The following LRBA variants were observed in gnomAD, a reference collection of about 807,000 sequenced individuals.
The protein encoded by LRBA is LPS responsive beige-like anchor protein, also known as lipopolysaccharide-responsive and beige-like anchor protein.
A neutral mutation model predicts 330.0 loss-of-function variants in LRBA; 176 were observed. The ratio of observed to expected loss-of-function variants is 0.53; its 90% CI spans 0.47 to 0.60. The LOEUF is 0.60. LRBA is among the 20% of genes least tolerant of loss of function. The probability of loss-of-function intolerance (pLI) is 0.00; values close to 1 mark genes in which losing one functional copy is unlikely to be tolerated. For missense variants in LRBA, 3,259 were observed against 3,444.8 expected, an observed-to-expected ratio of 0.95 and a Z score of 1.35; for synonymous variants, 1,230 against 1,193.0, an observed-to-expected ratio of 1.03 and a Z score of -0.64.
In LRBA at chr4:150,851,826, C is replaced by T. The variant is rs187804908; in HGVS notation, c.3825+59G>A. On this transcript the variant is annotated intron_variant, in intron 23 of 56. Coordinates refer to ENST00000651943, the MANE Select transcript of LRBA (RefSeq NM_001364905.1). ...AAATAAAATAAAATTTAAGTATATA[C>T]ACTTGCTCTTTTTTAACTCAGTGCA... 6.1e-4 allele frequency: 885 copies of T among 1,458,220 alleles called. 4 individuals carry two copies. The African/African-American group carries it at 0.011, about 19-fold the overall frequency. The allele number at this position is 1,458,220 out of a possible 1,614,324, so 90.3% of individuals were successfully genotyped here. A position where few individuals can be genotyped will look rare whatever the true frequency, so the allele number is the denominator to read the frequency against.
chr4:150,865,305 A>G (rs1752526625), intron 22 of LRBA, among the ~76,000 whole-genome samples: 1 of 152,256 alleles, frequency 6.6e-6, no homozygotes, highest in Non-Finnish European at 1.5e-5. Context: ...AGTTCCTGTA[A>G]TGAGCCAAAT....
chr4:150,322,995 C>CTGTGTGTGTGTGTG (rs577818605), intron 49 of LRBA, among the ~76,000 whole-genome samples: 1 of 23,882 alleles, frequency 4.2e-5, no homozygotes, highest in Non-Finnish European at 1.1e-4. Flanking sequence ...GTGTGTGTCT[C>CTGTGTGTGTGTGTG]TGTGTGTGTG....
intron 31 of LRBA, among the ~76,000 whole-genome samples, chr4:150,812,934 G>T (rs1424230154): frequency 6.6e-6 from 1 of 152,028 alleles, no homozygotes; most frequent in Non-Finnish European, 1.5e-5. Flanking sequence ...AAAGTGGAAG[G>T]ATCACTTGAA....
rs1171804599 is a variant in LRBA at position 150,350,218 on chromosome 4, A to G, written c.7195-59T>C. On this transcript the variant is annotated intron_variant, in intron 47 of 56. Coordinates refer to ENST00000651943, the MANE Select transcript of LRBA (RefSeq NM_001364905.1). Reference sequence around the variant, plus strand: ...AATTCCTTTTTAAAAATATAGAGAGACATTTAGAGCAATCAGTAAAGTTTA... The same window carrying G: ...AATTCCTTTTTAAAAATATAGAGAGGCATTTAGAGCAATCAGTAAAGTTTA... The G allele has an allele frequency of 4.7e-6, 6 of 1,269,946 alleles. No homozygotes were observed. The East Asian group carries it at 1.0e-4, about 22-fold the overall frequency. The allele number at this position is 1,269,946 out of a possible 1,614,324, so 78.7% of individuals were successfully genotyped here.
Position 150,928,921 on chromosome 4 carries a change from T to C in LRBA, c.361A>G (p.Ser121Gly), listed in dbSNP as rs1329598341. 1.9e-6 allele frequency: 3 copies of C among 1,614,122 alleles called. No homozygotes were observed. Among genetic ancestry groups the C allele is most frequent in the Admixed American group, 1.7e-5 (1 of 60,018 alleles). ...WSMFTAILKK[S>G]IRNLQVCTEV... ...GTGCAGACTTGAAGATTCCGTATGC[T>C]TTTCTTCAGAATGGCTGTAAACATG... Residue 121 changes from serine to glycine, a missense_variant, in exon 3 of 57, where the codon AGC (serine) becomes GGC (glycine). Coordinates refer to ENST00000651943, the MANE Select transcript of LRBA (RefSeq NM_001364905.1).
intron 36 of LRBA, among the ~76,000 whole-genome samples, chr4:150,704,527 TACCTGAA>T (rs1259463095): frequency 1.4e-4 from 22 of 152,096 alleles, no homozygotes; most frequent in Non-Finnish European, 2.5e-4. Flanking sequence ...TTCTGGGAAG[TACCTGAA>T]TTCTATTTTT....
intron 2 of LRBA, among the ~76,000 whole-genome samples, chr4:150,972,972 C>T (rs1293355667): frequency 6.6e-6 from 1 of 151,994 alleles, no homozygotes; most frequent in African/African-American, 2.4e-5. Context: ...CAAAAATTGT[C>T]CTTTAAAAAA....
intron 41 of LRBA, among the ~76,000 whole-genome samples, chr4:150,488,757 C>CA (rs35641885): frequency 0.61 from 88,293 of 144,576 alleles, 29,405 homozygotes; most frequent in Non-Finnish European, 0.75. Context: ...TATTTAAAGC[C>CA]AAAAAAAAAA....
intron 22 of LRBA, among the ~76,000 whole-genome samples, chr4:150,863,927 CTTTA>C (rs763890369): frequency 6.6e-6 from 1 of 151,856 alleles, no homozygotes; most frequent in East Asian, 1.9e-4. Flanking sequence ...TCTCATGACA[CTTTA>C]TTTATTTATT....
chr4:150,639,815 G>A (rs13101883), intron 37 of LRBA, among the ~76,000 whole-genome samples: 266 of 4,868 alleles, frequency 0.055, 40 homozygotes, highest in East Asian at 0.1. Context: ...ATGTGTGTGT[G>A]TGTGTATATA....
At chr4:150,555,019 G>T (rs187691016) in intron 40 of LRBA, among the ~76,000 whole-genome samples, 4 of 152,208 alleles carry the variant, frequency 2.6e-5, no homozygotes, top group South Asian at 2.1e-4. Flanking sequence ...AGTTGTAAGG[G>T]TTAGATAACT....
At chr4:150,266,078 CTAAAAT>C (rs1184406734) in intron 56 of LRBA, among the ~76,000 whole-genome samples, 5 of 29,182 alleles carry the variant, frequency 1.7e-4, no homozygotes, top group Non-Finnish European at 5.9e-4. Context: ...GGATGAGTAA[CTAAAAT>C]CTGAACAGAT....
intron 36 of LRBA, among the ~76,000 whole-genome samples, chr4:150,702,527 A>T (rs1434151420): frequency 6.6e-6 from 1 of 152,190 alleles, no homozygotes; most frequent in African/African-American, 2.4e-5. Flanking sequence ...AAAATATTAC[A>T]AGCTACAGAT....
chr4:150,331,680 T>C (rs1344122976), intron 48 of LRBA, among the ~76,000 whole-genome samples: 1 of 152,180 alleles, frequency 6.6e-6, no homozygotes, highest in Non-Finnish European at 1.5e-5. Context: ...TGACCAAAAA[T>C]ATAAGCATTA....
intron 37 of LRBA, among the ~76,000 whole-genome samples, chr4:150,666,357 C>CA (rs1377302882): frequency 6.6e-6 from 1 of 151,878 alleles, no homozygotes; most frequent in East Asian, 1.9e-4. Context: ...ACTAAAAATA[C>CA]AAAAATCAGT....
intron 44 of LRBA, among the ~76,000 whole-genome samples, chr4:150,453,518 A>T (rs1029677589): frequency 6.6e-6 from 1 of 152,238 alleles, no homozygotes; most frequent in Non-Finnish European, 1.5e-5. Flanking sequence ...TAGACAAAAA[A>T]TAAGTAGCAT....
At chr4:150,910,598 G>GTGT (rs370162526) in intron 9 of LRBA, among the ~76,000 whole-genome samples, 16 of 152,120 alleles carry the variant, frequency 1.1e-4, no homozygotes, top group African/African-American at 3.6e-4. Context: ...AAACCCTGAA[G>GTGT]TGTAAAGCCT....
In LRBA at chr4:150,735,745, T is replaced by C. The variant is rs1216135018; in HGVS notation, c.5646-379A>G. ...ACTTTTTACATTAAGGCATTTGCTA[T>C]TCCCAAGTGAGAACAGAAAAGCTAC... On this transcript the variant is annotated intron_variant, in intron 35 of 56. Coordinates refer to ENST00000651943, the MANE Select transcript of LRBA (RefSeq NM_001364905.1). Among the ~76,000 whole-genome samples, 4 of 152,180 alleles carry C rather than the reference T, an allele frequency of 2.6e-5. No individual in the cohort carries two copies. In the East Asian group the frequency reaches 7.7e-4, roughly 29 times the overall value.
intron 47 of LRBA, among the ~76,000 whole-genome samples, chr4:150,358,207 A>G (rs1738152842): frequency 6.6e-6 from 1 of 152,172 alleles, no homozygotes; most frequent in African/African-American, 2.4e-5. Context: ...TAGGTTCTAG[A>G]TTGTGCTTCA....
Sources: allele counts gnomAD v4.1 joint callset (sites outside exome capture counted in the v4.1 genomes callset), GRCh38; gene constraint gnomAD v4.1.1; transcripts MANE v1.5; gene names NCBI Gene and HGNC (gene_info 2026-07-23, HGNC 2026-07-21).